Variants in DACH1 observed in about 807,000 individuals in gnomAD.
The protein encoded by DACH1 is dachshund homolog 1.
DACH1 carries 12 observed loss-of-function variants against 54.2 expected under a neutral mutation model. The observed-to-expected ratio is 0.22, with a 90% CI of 0.14 to 0.36. DACH1 has a LOEUF of 0.36. DACH1 is among the 10% of genes least tolerant of loss of function. DACH1 has a pLI of 1.00. For missense variants in DACH1, 805 were observed against 929.8 expected (o/e 0.87, Z 1.75); for synonymous variants, 386 against 366.2 (o/e 1.05, Z -0.62).
At chr13:71,561,868 G>A (rs1884605787) in intron 4 of DACH1, among the ~76,000 whole-genome samples, 1 of 151,446 alleles carries the variant, frequency 6.6e-6, no homozygotes, top group Admixed American at 6.6e-5. Flanking sequence ...TGAAGACCCT[G>A]ACAAATAAAA....
intron 1 of DACH1, among the ~76,000 whole-genome samples, chr13:71,743,088 A>C (rs1275622155): frequency 6.6e-6 from 1 of 152,180 alleles, no homozygotes; most frequent in East Asian, 1.9e-4. Flanking sequence ...TTCCAATTGC[A>C]TAGAGACCAA....
chr13:71,456,827 A>G (rs554258101), intron 10 of DACH1, among the ~76,000 whole-genome samples: 2 of 152,136 alleles, frequency 1.3e-5, no homozygotes, highest in South Asian at 4.1e-4. Context: ...CTGTATAAAG[A>G]GTTCAAAGCT....
intron 10 of DACH1, among the ~76,000 whole-genome samples, chr13:71,445,202 T>C (rs1024727213): frequency 2.0e-5 from 3 of 152,098 alleles, no homozygotes; most frequent in Non-Finnish European, 4.4e-5. Context: ...AAGAAAGAAA[T>C]TCATTAATAT....
chr13:71,673,678 G>A (rs1880355257), intron 2 of DACH1, among the ~76,000 whole-genome samples: 1 of 152,120 alleles, frequency 6.6e-6, no homozygotes, highest in East Asian at 1.9e-4. Context: ...GTTAATGGGT[G>A]CAGCAAACCA....
At chr13:71,802,156 CT>C (rs903592191) in intron 1 of DACH1, among the ~76,000 whole-genome samples, 19 of 151,094 alleles carry the variant, frequency 1.3e-4, no homozygotes, top group South Asian at 4.2e-4. Context: ...TGGCCAGAGC[CT>C]TTTTTTTTCC....
intron 3 of DACH1, among the ~76,000 whole-genome samples, chr13:71,594,733 A>G (rs1399931761): frequency 6.6e-6 from 1 of 151,978 alleles, no homozygotes; most frequent in Non-Finnish European, 1.5e-5. Context: ...ATATCAACAA[A>G]CCGGCCCCTA....
intron 3 of DACH1, among the ~76,000 whole-genome samples, chr13:71,577,909 A>G (rs928470548): frequency 6.6e-6 from 1 of 152,172 alleles, no homozygotes; most frequent in African/African-American, 2.4e-5. Flanking sequence ...ATAATTATAC[A>G]TATTCATGTA....
chr13:71,571,236 T>C (rs1460561792), intron 4 of DACH1, among the ~76,000 whole-genome samples: 2 of 152,172 alleles, frequency 1.3e-5, no homozygotes, highest in Non-Finnish European at 2.9e-5. Flanking sequence ...AATAATCACA[T>C]CGTATACATT....
intron 1 of DACH1, among the ~76,000 whole-genome samples, chr13:71,782,388 G>A (rs1343005322): frequency 6.6e-6 from 1 of 152,124 alleles, no homozygotes; most frequent in Non-Finnish European, 1.5e-5. Flanking sequence ...GTTGAAGTCA[G>A]TGCAGACCAT....
At chr13:71,707,234 G>A (rs1430737723) in intron 1 of DACH1, among the ~76,000 whole-genome samples, 4 of 152,248 alleles carry the variant, frequency 2.6e-5, no homozygotes, top group African/African-American at 7.2e-5. Flanking sequence ...CATGCTATGG[G>A]AGCATTTCTT....
At chr13:71,718,287 A>T (rs1048804260) in intron 1 of DACH1, among the ~76,000 whole-genome samples, 9 of 152,230 alleles carry the variant, frequency 5.9e-5, no homozygotes, top group Admixed American at 3.9e-4. Context: ...TTAGACTTAA[A>T]AAAAAGCTCT....
chr13:71,677,528 T>G (rs1280130682), intron 2 of DACH1, among the ~76,000 whole-genome samples: 1 of 152,106 alleles, frequency 6.6e-6, no homozygotes, highest in Non-Finnish European at 1.5e-5. Flanking sequence ...TTTTTGTTTT[T>G]GTTTCAAGTA....
At chr13:71,863,701 A>G (rs1566549766) in intron 1 of DACH1, among the ~76,000 whole-genome samples, 2 of 152,026 alleles carry the variant, frequency 1.3e-5, no homozygotes, top group South Asian at 4.1e-4. Context: ...GCAAAAATTC[A>G]GGGAATAAAT....
chr13:71,529,139 G>T (rs914010308), intron 6 of DACH1, among the ~76,000 whole-genome samples: 7 of 147,728 alleles, frequency 4.7e-5, no homozygotes, highest in Non-Finnish European at 8.9e-5. Flanking sequence ...TAATGTTACT[G>T]TTATGTGATT....
At chr13:71,695,932 A>G (rs1276498149) in intron 1 of DACH1, among the ~76,000 whole-genome samples, 3 of 152,210 alleles carry the variant, frequency 2.0e-5, no homozygotes, top group Non-Finnish European at 4.4e-5. Flanking sequence ...GCCATGTGTG[A>G]TCTACTATGA....
In DACH1 at chr13:71,475,869, T is replaced by A; in HGVS notation, c.1871-20A>T. The A allele has an allele frequency of 6.9e-7, 1 of 1,444,078 alleles. No individual in the cohort carries two copies. The highest frequency in any genetic ancestry group is 9.2e-7 in the Non-Finnish European group (1 of 1,086,696). 89.5% of individuals were successfully genotyped at this position (1,444,078 alleles called of 1,614,324 possible). A position where few individuals can be genotyped will look rare whatever the true frequency, so the allele number is the denominator to read the frequency against. The stretch of plus-strand genomic sequence containing the variant: ...CTATGGCTAAAAAAGAGTGTATGCA[T>A]ATTATTATTATTATTTTTAAATTTT... On this transcript the variant is annotated intron_variant, in intron 8 of 10. Transcript: ENST00000613252.
intron 3 of DACH1, among the ~76,000 whole-genome samples, chr13:71,583,326 T>C (rs1872980792): frequency 6.6e-6 from 1 of 152,112 alleles, no homozygotes; most frequent in East Asian, 1.9e-4. Context: ...TGCAAAAATT[T>C]TTCCCAACAT....
At chr13:71,512,886 C>G (rs1490039356) in intron 6 of DACH1, among the ~76,000 whole-genome samples, 2 of 151,558 alleles carry the variant, frequency 1.3e-5, no homozygotes, top group African/African-American at 4.8e-5. Flanking sequence ...GAAGAATAAT[C>G]TTTTTTTAAA....
At chr13:71,468,080 A>G (rs989722398) in intron 10 of DACH1, among the ~76,000 whole-genome samples, 1 of 152,178 alleles carries the variant, frequency 6.6e-6, no homozygotes, top group African/African-American at 2.4e-5. Context: ...AGGTAACATT[A>G]AAAAGTTCTT....
Sources: allele counts gnomAD v4.1 joint callset (sites outside exome capture counted in the v4.1 genomes callset), GRCh38; gene constraint gnomAD v4.1.1; transcripts MANE v1.5; gene names NCBI Gene and HGNC (gene_info 2026-07-23, HGNC 2026-07-21).